ITFG1: variants seen among roughly 807,000 people sequenced by gnomAD.
ITFG1 encodes the protein integrin alpha FG-GAP repeat containing 1.
ITFG1 carries 34 observed loss-of-function variants against 81.8 expected under a neutral mutation model. The observed-to-expected ratio is 0.42, with a 90% CI of 0.32 to 0.55. The LOEUF is 0.55. ITFG1 is among the 20% of genes least tolerant of loss of function. ITFG1 has a pLI of 0.17. For missense variants in ITFG1, 672 were observed against 755.4 expected (o/e 0.89, Z 1.29); for synonymous variants, 285 against 270.6 (o/e 1.05, Z -0.52).
In ITFG1 at chr16:47,311,327, A is replaced by G. The variant is rs756415826; in HGVS notation, c.983T>C (p.Ile328Thr). 7.4e-6 allele frequency: 12 copies of G among 1,613,628 alleles called. No homozygotes were observed. The African/African-American group carries it at 1.5e-4, about 20-fold the overall frequency. The change falls in exon 10 of 18, where the codon ATA (isoleucine) becomes ACA (threonine). Residue 328 changes from isoleucine (I) to threonine (T), a missense_variant. Transcript: ENST00000320640. ...AATATGAAGGGTAATTGGAATTGGT[A>G]TTTCAGTTGGTTGCTGTTCATCCAC... ...PFVDEQQPTEIPIPITLHIGD... is the reference protein window; with the variant it reads ...PFVDEQQPTETPIPITLHIGD...
At chr16:47,433,238 C>T (rs1200414954) in intron 5 of ITFG1, among the ~76,000 whole-genome samples, 2 of 152,188 alleles carry the variant, frequency 1.3e-5, no homozygotes, top group African/African-American at 4.8e-5. Context: ...GACCATCAGC[C>T]AAATTGAGCA....
intron 13 of ITFG1, among the ~76,000 whole-genome samples, chr16:47,236,474 CAA>C (rs68028486): frequency 1.2e-3 from 62 of 52,288 alleles, no homozygotes; most frequent in African/African-American, 3.6e-3. Context: ...GACTCCATCT[CAA>C]AAAAAAAAAA....
At chr16:47,429,881 T>G (rs1324588985) in intron 5 of ITFG1, among the ~76,000 whole-genome samples, 1 of 152,094 alleles carries the variant, frequency 6.6e-6, no homozygotes, top group Non-Finnish European at 1.5e-5. Context: ...AGGCTAGTCT[T>G]GAACTCCTGG....
At chr16:47,280,669 G>A (rs1966441765) in intron 10 of ITFG1, among the ~76,000 whole-genome samples, 2 of 152,058 alleles carry the variant, frequency 1.3e-5, no homozygotes, top group African/African-American at 2.4e-5. Context: ...TTTATGCTAA[G>A]GCCCTTAGAT....
At chr16:47,238,890 G>A (rs996357175) in intron 12 of ITFG1, among the ~76,000 whole-genome samples, 8 of 152,170 alleles carry the variant, frequency 5.3e-5, no homozygotes, top group African/African-American at 1.9e-4. Flanking sequence ...TGATTTGAAT[G>A]TTGCTATCCC....
At chr16:47,281,410 A>G (rs1324523221) in intron 10 of ITFG1, among the ~76,000 whole-genome samples, 1 of 152,166 alleles carries the variant, frequency 6.6e-6, no homozygotes, top group Non-Finnish European at 1.5e-5. Context: ...AGTTGAATTG[A>G]GAAGTGTCCC....
At chr16:47,419,615 T>TC (rs1472062567) in intron 6 of ITFG1, among the ~76,000 whole-genome samples, 1 of 144,442 alleles carries the variant, frequency 6.9e-6, no homozygotes, top group African/African-American at 2.6e-5. Context: ...TTTTTTTTTT[T>TC]TTTTTTTTTG....
At chr16:47,272,327 G>A (rs1310009866) in intron 10 of ITFG1, among the ~76,000 whole-genome samples, 1 of 152,164 alleles carries the variant, frequency 6.6e-6, no homozygotes, top group East Asian at 1.9e-4. Flanking sequence ...TAACAGCTAA[G>A]GTGAATGGGG....
At chr16:47,407,130 A>G (rs948179151) in intron 6 of ITFG1, among the ~76,000 whole-genome samples, 1 of 152,210 alleles carries the variant, frequency 6.6e-6, no homozygotes, top group Non-Finnish European at 1.5e-5. Flanking sequence ...TTTTGGGAAG[A>G]GTCATTTACA....
chr16:47,312,580 C>A (rs1265638866), intron 9 of ITFG1: 1 of 152,002 alleles, frequency 6.6e-6, no homozygotes, highest in African/African-American at 2.4e-5. Context: ...TTTTATATAT[C>A]ATTAAAATGT....
At chr16:47,373,321 C>T (rs184296100) in intron 7 of ITFG1, among the ~76,000 whole-genome samples, 69 of 151,934 alleles carry the variant, frequency 4.5e-4, no homozygotes, top group African/African-American at 1.5e-3. Flanking sequence ...TTGCTCTTGT[C>T]GCCCAGGCTG....
intron 6 of ITFG1, among the ~76,000 whole-genome samples, chr16:47,418,819 G>A (rs1469226428): frequency 6.6e-6 from 1 of 152,062 alleles, no homozygotes; most frequent in Non-Finnish European, 1.5e-5. Flanking sequence ...TTAAACTCAG[G>A]CAGTGTGATG....
chr16:47,457,620 G>A (rs1266023348), intron 2 of ITFG1, among the ~76,000 whole-genome samples: 2 of 152,044 alleles, frequency 1.3e-5, no homozygotes, highest in East Asian at 1.9e-4. Flanking sequence ...GGGAGAATAA[G>A]GGTGAAGAAT....
intron 6 of ITFG1, among the ~76,000 whole-genome samples, chr16:47,383,006 G>A (rs117179872): frequency 6.6e-5 from 10 of 152,310 alleles, no homozygotes; most frequent in East Asian, 5.8e-4. Context: ...TTAAATATAT[G>A]TATCAAGTGA....
chr16:47,247,949 T>A (rs1490403850), intron 12 of ITFG1, among the ~76,000 whole-genome samples: 2 of 152,208 alleles, frequency 1.3e-5, no homozygotes, highest in African/African-American at 4.8e-5. Context: ...ATCCTCTCAA[T>A]GTCAGAAATG....
intron 14 of ITFG1, among the ~76,000 whole-genome samples, chr16:47,204,741 G>A (rs192085346): frequency 6.6e-6 from 1 of 152,272 alleles, no homozygotes; most frequent in Non-Finnish European, 1.5e-5. Context: ...GCAGCAGGAT[G>A]CACCATGGAA....
intron 10 of ITFG1, among the ~76,000 whole-genome samples, chr16:47,289,758 AG>A (rs749705810): frequency 2.6e-5 from 4 of 151,806 alleles, no homozygotes; most frequent in African/African-American, 9.7e-5. Context: ...AGATGAGTCT[AG>A]CTATTGGTAA....
At chr16:47,341,006 A>G (rs1967774304) in intron 8 of ITFG1, among the ~76,000 whole-genome samples, 2 of 152,228 alleles carry the variant, frequency 1.3e-5, no homozygotes, top group South Asian at 4.1e-4. Context: ...TCTAATCACA[A>G]TGGAATGAAG....
chr16:47,400,167 G>A (rs888003724), intron 6 of ITFG1, among the ~76,000 whole-genome samples: 1 of 152,182 alleles, frequency 6.6e-6, no homozygotes, highest in Non-Finnish European at 1.5e-5. Context: ...TTAACCATGA[G>A]GCTCCACTGT....
Sources: allele counts gnomAD v4.1 joint callset (sites outside exome capture counted in the v4.1 genomes callset), GRCh38; gene constraint gnomAD v4.1.1; transcripts MANE v1.5; gene names NCBI Gene and HGNC (gene_info 2026-07-23, HGNC 2026-07-21).